The following ANKRD26 variants were observed in gnomAD, a reference collection of about 807,000 sequenced individuals.
ANKRD26 encodes ankyrin repeat domain-containing protein 26.
In ANKRD26, 141 loss-of-function variants were observed where a neutral mutation model predicts 208.7. The observed-to-expected ratio is 0.68, with a 90% CI of 0.59 to 0.78. The LOEUF (loss-of-function observed/expected upper bound fraction) is 0.78, where lower values mean the gene tolerates loss of function less well. ANKRD26 is among the 30% of genes least tolerant of loss of function. The probability of loss-of-function intolerance (pLI) is 0.00; values close to 1 mark genes in which losing one functional copy is unlikely to be tolerated. For missense variants in ANKRD26, 1,889 were observed against 1,938.7 expected (o/e 0.97, Z 0.48); for synonymous variants, 636 against 660.4 (o/e 0.96, Z 0.57).
chr10:27,007,498 CA>C (rs1201528005), intron 32 of ANKRD26, among the ~76,000 whole-genome samples: 2 of 151,778 alleles, frequency 1.3e-5, no homozygotes, highest in Non-Finnish European at 2.9e-5. Flanking sequence ...TATTAAAATA[CA>C]AAAAAAATTA....
At chr10:27,066,245 CTTT>C in intron 11 of ANKRD26, 2 of 276,422 alleles carry the variant, frequency 7.2e-6, no homozygotes, top group Non-Finnish European at 1.3e-5. Flanking sequence ...CTTTTCTTTT[CTTT>C]TTTTTTTTGC....
At chr10:26,953,261 ACAAAAAATAAAATTAGC>A in the ANKRD26 span, among the ~76,000 whole-genome samples, 1 of 152,102 alleles carries the variant, frequency 6.6e-6, no homozygotes, top group African/African-American at 2.4e-5. Context: ...CCCTGTCTCT[ACAAAAAATAAAATTAGC>A]CAGGCGTGGT....
At chr10:27,028,690 C>G (rs2053761765) in intron 27 of ANKRD26, among the ~76,000 whole-genome samples, 162 bp downstream of exon 27, 1 of 151,330 alleles carries the variant, frequency 6.6e-6, no homozygotes, top group Admixed American at 6.6e-5. Flanking sequence ...GTCCTGTCTC[C>G]AAGATATCTC....
chr10:27,030,538 T>C (rs2053831631), intron 25 of ANKRD26: 1 of 985,214 alleles, frequency 1.0e-6, no homozygotes, highest in African/African-American at 1.7e-5. Context: ...TCGTACGGTG[T>C]AGGAGAAAAG....
In ANKRD26 at chr10:27,017,733, T is replaced by C. The variant is rs2053346754; in HGVS notation, c.4275A>G (p.Thr1425=). The C allele has an allele frequency of 5.6e-6, 9 of 1,613,068 alleles. No homozygotes were observed. Among genetic ancestry groups the C allele is most frequent in the Non-Finnish European group, 7.6e-6 (9 of 1,179,768 alleles). ...ACTCCTCTTGAAGAATTTGGTTCTTTGTATCCAGATGTAGACATTTTGAAC... is the reference window on the plus strand; with the variant it reads ...ACTCCTCTTGAAGAATTTGGTTCTTCGTATCCAGATGTAGACATTTTGAAC... ...TAGSKCLHLD[T]KNQILQEELL... Residue 1425 remains threonine (T), a synonymous_variant, in exon 30 of 34, where the codon ACA becomes ACG. Coordinates refer to ENST00000376087, the MANE Select transcript of ANKRD26 (RefSeq NM_014915.3).
At chr10:27,033,675 C>A (rs1014954409) in intron 24 of ANKRD26, among the ~76,000 whole-genome samples, 8 of 152,116 alleles carry the variant, frequency 5.3e-5, no homozygotes, top group Middle Eastern at 3.2e-3. Flanking sequence ...ACTGAAGTCT[C>A]GAAATAGTTA....
At chr10:27,088,913 T>C (rs1409817733) in intron 4 of ANKRD26, among the ~76,000 whole-genome samples, 1 of 151,546 alleles carries the variant, frequency 6.6e-6, no homozygotes, top group Non-Finnish European at 1.5e-5. Flanking sequence ...CATATAAGGT[T>C]TTGAGTGTAG....
Position 27,012,959 on chromosome 10 carries a change from T to G in ANKRD26, c.4876A>C (p.Ile1626Leu), listed in dbSNP as rs372371136. The change falls in exon 32 of 34, where the codon ATT becomes CTT. Residue 1626 changes from isoleucine (I) to leucine (L), a missense_variant. Coordinates refer to ENST00000376087, the MANE Select transcript of ANKRD26 (RefSeq NM_014915.3). ...NNSLDLNRKL[I>L]PRENLVISTS... ...GAGATCACTAAGTTTTCTCTTGGAA[T>G]AAGTTTTCTGTTGAGATCTAAACTA... 73 of 1,614,060 alleles carry G rather than the reference T, an allele frequency of 4.5e-5. No individual in the cohort carries two copies. The highest frequency in any genetic ancestry group is 5.9e-5 in the Non-Finnish European group (70 of 1,180,002).
At chr10:27,009,537 G>C (rs1589205810) in intron 32 of ANKRD26, among the ~76,000 whole-genome samples, 2 of 152,100 alleles carry the variant, frequency 1.3e-5, no homozygotes, top group African/African-American at 4.8e-5. Flanking sequence ...AAGAAAAAAG[G>C]AGAGAAAAAT....
intron 7 of ANKRD26, 83 bp downstream of exon 7, chr10:27,079,006 T>A: frequency 6.1e-6 from 7 of 1,155,670 alleles, no homozygotes; most frequent in Non-Finnish European, 9.1e-6. Flanking sequence ...CAATGATAAG[T>A]AGACCACTGC....
At chr10:27,019,951 A>C (rs1205760336) in intron 29 of ANKRD26, among the ~76,000 whole-genome samples, 1 of 152,242 alleles carries the variant, frequency 6.6e-6, no homozygotes, top group Non-Finnish European at 1.5e-5. Flanking sequence ...CACAGCTCAA[A>C]GCCTGAGGGA....
intron 9 of ANKRD26, 45 bp from the exon 10 acceptor site, chr10:27,067,331 T>C (rs1328225107): frequency 1.3e-6 from 2 of 1,596,282 alleles, no homozygotes; most frequent in Non-Finnish European, 1.7e-6. Context: ...CAGAAAACAC[T>C]GTATTTATTC....
At chr10:26,948,393 A>C in the ANKRD26 span, among the ~76,000 whole-genome samples, 1 of 152,080 alleles carries the variant, frequency 6.6e-6, no homozygotes, top group Admixed American at 6.6e-5. Flanking sequence ...AGACTCACCT[A>C]CTCCTTCTTG....
chr10:26,993,333 G>T (rs1486758011), intron 5 of ANKRD26, among the ~76,000 whole-genome samples: 2 of 152,124 alleles, frequency 1.3e-5, no homozygotes, highest in Non-Finnish European at 2.9e-5. Context: ...TACCCAATAG[G>T]TGTCATGCCA....
chr10:27,043,395 A>G, intron 20 of ANKRD26, 31 bp downstream of exon 20: 1 of 1,608,424 alleles, frequency 6.2e-7, no homozygotes, highest in South Asian at 1.1e-5. Context: ...GGGATACATA[A>G]AAAGGCCTTA....
chr10:27,094,415 T>A (rs2056401082), intron 1 of ANKRD26, among the ~76,000 whole-genome samples: 1 of 152,198 alleles, frequency 6.6e-6, no homozygotes, highest in Non-Finnish European at 1.5e-5. Flanking sequence ...AGGCTTGACC[T>A]TTAGATTCAG....
At chr10:27,028,367 C>T (rs1207742484) in intron 27 of ANKRD26, among the ~76,000 whole-genome samples, 4 of 151,782 alleles carry the variant, frequency 2.6e-5, no homozygotes, top group Non-Finnish European at 5.9e-5. Context: ...GAGGCCGAGG[C>T]GGGCGGATCA....
chr10:27,010,615 C>T (rs1341659999), intron 32 of ANKRD26, among the ~76,000 whole-genome samples: 1 of 152,140 alleles, frequency 6.6e-6, no homozygotes, highest in Admixed American at 6.5e-5. Flanking sequence ...CCTGCCTCAG[C>T]CTCCCAAGAA....
intron 30 of ANKRD26, 47 bp downstream of exon 30, chr10:27,017,455 T>C (rs1267274128): frequency 9.4e-6 from 15 of 1,596,502 alleles, no homozygotes; most frequent in African/African-American, 2.7e-5. Context: ...ATATCCAAAA[T>C]ACAATTTGCA....
Sources: gnomAD v4.1 joint callset for allele counts (sites outside exome capture counted in the v4.1 genomes callset) on GRCh38, gnomAD v4.1.1 for gene constraint, MANE v1.5 for transcripts, NCBI Gene and HGNC (gene_info 2026-07-23, HGNC 2026-07-21) for gene names.